The following DAAM2 variants were observed in gnomAD, a reference collection of about 807,000 sequenced individuals.
DAAM2 encodes the protein disheveled-associated activator of morphogenesis 2.
In DAAM2, 39 loss-of-function variants were observed where a neutral mutation model predicts 120.7. That is an observed-to-expected ratio of 0.32 (90% CI 0.25 to 0.42). The LOEUF is 0.42. Among genes scored for constraint, DAAM2 ranks in the 10% least tolerant of loss-of-function variants. DAAM2 has a pLI of 1.00. For synonymous variants in DAAM2, 488 were observed against 524.9 expected (o/e 0.93, Z 0.96); for missense variants, 1,283 against 1,401.7 (o/e 0.92, Z 1.35).
intron 5 of DAAM2, 111 bp downstream of exon 5, chr6:39,865,185 C>T (rs931984627): frequency 2.9e-6 from 2 of 700,974 alleles, no homozygotes; most frequent in Non-Finnish European, 5.2e-6. Flanking sequence ...TCCTGGCCAA[C>T]TCTGCCTCAC....
intron 1 of DAAM2, among the ~76,000 whole-genome samples, chr6:39,810,577 C>T (rs1425860451): frequency 6.6e-6 from 1 of 152,114 alleles, no homozygotes; most frequent in Non-Finnish European, 1.5e-5. Flanking sequence ...CCACTTGCCC[C>T]ACCCCAGCCC....
At chr6:39,856,539 G>A in intron 2 of DAAM2, 69 bp downstream of exon 2, 2 of 1,266,230 alleles carry the variant, frequency 1.6e-6, no homozygotes, top group Non-Finnish European at 1.0e-6. Context: ...GAGCTGGACA[G>A]AGGGCAGGGC....
In DAAM2 at chr6:39,832,996, G is replaced by A. The variant is rs79169464; in HGVS notation, c.-56-23251G>A. Among the ~76,000 whole-genome samples, 281 of 152,272 alleles carry A rather than the reference G, an allele frequency of 1.8e-3. 9 individuals carry two copies. In the East Asian group the frequency reaches 0.05, roughly 27 times the overall value. ...GTGAGGGTTCTAAATGGGTGGGCCCGAGGGCAGCCCCCAGGTAACTTCCTC... is the reference window on the plus strand; with the variant it reads ...GTGAGGGTTCTAAATGGGTGGGCCCAAGGGCAGCCCCCAGGTAACTTCCTC... On this transcript the variant is annotated intron_variant, in intron 1 of 24. Coordinates refer to ENST00000274867, the MANE Select transcript of DAAM2 (RefSeq NM_001201427.2).
At chr6:39,868,995 T>C (rs2149310148) in intron 7 of DAAM2, 62 bp downstream of exon 7, 1 of 1,192,716 alleles carries the variant, frequency 8.4e-7, no homozygotes, top group East Asian at 2.6e-5. Flanking sequence ...GTAGAGTGTG[T>C]GAGTGTGTTG....
chr6:39,868,039 T>A, intron 6 of DAAM2, 196 bp downstream of exon 6: 1 of 588,684 alleles, frequency 1.7e-6, no homozygotes, highest in South Asian at 2.2e-5. Context: ...ATGCAGGGCC[T>A]TAAGAGTTAT....
chr6:39,797,862 GATGAACAA>G (rs1426392039), intron 1 of DAAM2, among the ~76,000 whole-genome samples: 1 of 152,226 alleles, frequency 6.6e-6, no homozygotes, highest in Non-Finnish European at 1.5e-5. Flanking sequence ...ACATTGGGTA[GATGAACAA>G]ATGAACAAGA....
At position 39,901,563 on chromosome 6, in the gene DAAM2, A is replaced by T; in HGVS notation, c.2982+91A>T. Reference sequence around the variant, plus strand: ...ACTGGGGTGTGTGGGAGGAGGGCAGAGACTGAGGAACTGAGGAACACCATA... The same window carrying T: ...ACTGGGGTGTGTGGGAGGAGGGCAGTGACTGAGGAACTGAGGAACACCATA... On this transcript the variant is annotated intron_variant, in intron 24 of 24. Coordinates refer to ENST00000274867, the MANE Select transcript of DAAM2 (RefSeq NM_001201427.2). The surrounding 1 kb of genome is among the most constrained non-coding windows in gnomAD (Gnocchi z 4.5). 7.1e-7 allele frequency: 1 copy of T among 1,405,436 alleles called. No individual in the cohort carries two copies. The allele number at this position is 1,405,436 out of a possible 1,614,324, so 87.1% of individuals were successfully genotyped here. A position where few individuals can be genotyped will look rare whatever the true frequency, so the allele number is the denominator to read the frequency against.
chr6:39,904,631 AG>A lies in DAAM2; in HGVS notation c.*2597del. 2.2e-6 allele frequency: 1 copy of A among 454,164 alleles called. No individual in the cohort carries two copies. Among genetic ancestry groups the A allele is most frequent in the South Asian group, 1.6e-5 (1 of 64,476 alleles). 28.1% of individuals were successfully genotyped at this position (454,164 alleles called of 1,614,324 possible). A position where few individuals can be genotyped will look rare whatever the true frequency, so the allele number is the denominator to read the frequency against. ...AGAAAATTCTCCAGGTGAATGGGGA[AG>A]GGTCTGTTCCAGCCTCTCCCTACTC... On this transcript the variant is annotated 3_prime_UTR_variant, in exon 25 of 25. Transcript: ENST00000274867.
chr6:39,899,157 C>CT lies in DAAM2; in HGVS notation c.2679+221dup. The CT allele has an allele frequency of 5.3e-6, 3 of 561,492 alleles. No individual in the cohort carries two copies. The African/African-American group carries it at 5.7e-5, about 11-fold the overall frequency. 34.8% of individuals were successfully genotyped at this position (561,492 alleles called of 1,614,324 possible). A position where few individuals can be genotyped will look rare whatever the true frequency, so the allele number is the denominator to read the frequency against. ...CCCATGTTACTGTCCAACTTGGTATCTATTTGGCAGTGGAGTGGAATGAAC... is the reference window on the plus strand; with the variant it reads ...CCCATGTTACTGTCCAACTTGGTATCTTATTTGGCAGTGGAGTGGAATGAAC... On this transcript the variant is annotated intron_variant, in intron 22 of 24. Coordinates refer to ENST00000274867, the MANE Select transcript of DAAM2 (RefSeq NM_001201427.2).
chr6:39,899,535 G>A, intron 22 of DAAM2: 1 of 158,662 alleles, frequency 6.3e-6, no homozygotes, highest in Non-Finnish European at 1.4e-5. Flanking sequence ...CTTCACTGAG[G>A]AGAGAGGCAG....
intron 19 of DAAM2, 21 bp downstream of exon 19, chr6:39,891,743 A>C: frequency 6.3e-7 from 1 of 1,575,842 alleles, no homozygotes; most frequent in South Asian, 1.2e-5. Flanking sequence ...GGGTTGCAGG[A>C]GGCTTAGAGT....
chr6:39,834,886 C>T (rs1447911716), intron 1 of DAAM2, among the ~76,000 whole-genome samples: 1 of 152,150 alleles, frequency 6.6e-6, no homozygotes, highest in Non-Finnish European at 1.5e-5. Context: ...AACGCACGGG[C>T]TCAGTTTCAG....
rs141488503 is a variant in DAAM2 at position 39,832,038 on chromosome 6, G to A, written c.-56-24209G>A. The stretch of plus-strand genomic sequence containing the variant: ...CTGGAGGGACAGGTGCACTGGGGGC[G>A]CAGGTACACTGCGGGGACAGGTGTA... On this transcript the variant is annotated intron_variant, in intron 1 of 24. Coordinates refer to ENST00000274867, the MANE Select transcript of DAAM2 (RefSeq NM_001201427.2). 8.2e-5 allele frequency among the ~76,000 whole-genome samples: 12 copies of A among 146,410 alleles called. No homozygotes were observed. The East Asian group carries it at 1.0e-3, about 13-fold the overall frequency.
chr6:39,845,765 C>G (rs1763565018), intron 1 of DAAM2, among the ~76,000 whole-genome samples: 2 of 151,932 alleles, frequency 1.3e-5, no homozygotes, highest in African/African-American at 2.4e-5. Context: ...GATGCTTTGT[C>G]CTGAAAACTC....
intron 1 of DAAM2, chr6:39,848,581 T>G (rs1190955834): frequency 1.3e-5 from 2 of 152,222 alleles, no homozygotes; most frequent in Non-Finnish European, 2.9e-5. Flanking sequence ...GTCTCAGCGA[T>G]GCCCCCTGTG....
chr6:39,795,234 G>C (rs899562818), intron 1 of DAAM2, among the ~76,000 whole-genome samples: 3 of 152,200 alleles, frequency 2.0e-5, no homozygotes, highest in Non-Finnish European at 4.4e-5. Context: ...TGAAGGTCCA[G>C]AGGGCAAACA....
At chr6:39,834,313 C>G (rs1238827907) in intron 1 of DAAM2, among the ~76,000 whole-genome samples, 1 of 152,154 alleles carries the variant, frequency 6.6e-6, no homozygotes, top group African/African-American at 2.4e-5. Context: ...TACCTACATC[C>G]TTCTTTTTTC....
At position 39,854,413 on chromosome 6, in the gene DAAM2, T is replaced by C. The variant is rs113006205; in HGVS notation, c.-56-1834T>C. Among the ~76,000 whole-genome samples the C allele has an allele frequency of 6.6e-3, 1,006 of 152,292 alleles. 13 individuals carry two copies. The highest frequency in any genetic ancestry group is 0.019 in the African/African-American group (801 of 41,566). On this transcript the variant is annotated intron_variant, in intron 1 of 24. Transcript: ENST00000274867. ...CCTCCAGGAGCCCTCACGATATTTA[T>C]GAGAGCCAGCAGCAAAAAGATAACC...
At chr6:39,804,619 A>C (rs1307821148) in intron 1 of DAAM2, among the ~76,000 whole-genome samples, 1 of 152,162 alleles carries the variant, frequency 6.6e-6, no homozygotes, top group African/African-American at 2.4e-5. Context: ...AATTAGTAAC[A>C]AAAGATGTGG....
Sources: allele counts gnomAD v4.1 joint callset (sites outside exome capture counted in the v4.1 genomes callset), GRCh38; gene constraint gnomAD v4.1.1; non-coding constraint Gnocchi (gnomAD v3.1); transcripts MANE v1.5; gene names NCBI Gene and HGNC (gene_info 2026-07-23, HGNC 2026-07-21).